LHPP: variants seen among roughly 807,000 people sequenced by gnomAD.
LHPP encodes the protein phospholysine phosphohistidine inorganic pyrophosphate phosphatase.
In LHPP, 24 loss-of-function variants were observed where a neutral mutation model predicts 30.3. That is an observed-to-expected ratio of 0.79 (90% CI 0.57 to 1.11). The LOEUF (loss-of-function observed/expected upper bound fraction) is 1.11. LHPP is among the 50% of genes most tolerant of loss of function. The pLI, the probability that LHPP is intolerant of heterozygous loss-of-function variation, is 0.00. For synonymous variants in LHPP, 150 were observed against 157.1 expected (o/e 0.95, Z 0.34); for missense variants, 356 against 367.2 (o/e 0.97, Z 0.25).
rs1437495847 is a variant in LHPP at position 124,541,612 on chromosome 10, G to C, written c.716+24341G>C. Among the ~76,000 whole-genome samples the C allele has an allele frequency of 2.0e-5, 3 of 152,244 alleles. No homozygotes were observed. Among genetic ancestry groups the C allele is most frequent in the African/African-American group, 7.2e-5 (3 of 41,544 alleles). On this transcript the variant is annotated intron_variant, in intron 6 of 6. Transcript: ENST00000368842. This position sits in a 1 kb window ranked among gnomAD's most constrained non-coding sequence, Gnocchi z 4.2. ...CCCCCGCGTGAGCCTGGGACCACCCGTGGGGACAGTGTGTGTCTAGGCAAA... is the reference window on the plus strand; with the variant it reads ...CCCCCGCGTGAGCCTGGGACCACCCCTGGGGACAGTGTGTGTCTAGGCAAA...
intron 6 of LHPP, among the ~76,000 whole-genome samples, chr10:124,598,585 C>T (rs548820478): frequency 6.6e-6 from 1 of 152,268 alleles, no homozygotes; most frequent in African/African-American, 2.4e-5. Context: ...CCCATGAGGC[C>T]AGGGCCAGCA....
At chr10:124,462,365 G>C (rs770251115) in intron 1 of LHPP, among the ~76,000 whole-genome samples, 3 of 152,206 alleles carry the variant, frequency 2.0e-5, no homozygotes, top group Non-Finnish European at 4.4e-5. Flanking sequence ...AGGCAGAGGA[G>C]GGAGGATCGC....
intron 6 of LHPP, among the ~76,000 whole-genome samples, chr10:124,612,452 C>T (rs1949214911): frequency 6.6e-6 from 1 of 152,126 alleles, no homozygotes; most frequent in Non-Finnish European, 1.5e-5. Context: ...ACGAACCCAC[C>T]TGACCCCTTC....
chr10:124,588,040 C>T (rs1351856867), intron 6 of LHPP, among the ~76,000 whole-genome samples: 1 of 152,234 alleles, frequency 6.6e-6, no homozygotes, highest in East Asian at 1.9e-4. Flanking sequence ...CGGACAGCCC[C>T]ACTGCCACTG....
intron 1 of LHPP, among the ~76,000 whole-genome samples, chr10:124,481,393 T>TG (rs1953129184): frequency 6.9e-6 from 1 of 145,384 alleles, no homozygotes. Context: ...TTTTTTTTTT[T>TG]TGCGACAGAG....
At position 124,585,463 on chromosome 10, in the gene LHPP, A is replaced by AAT. The variant is rs571798347; in HGVS notation, c.717-27800_717-27799insTA. Among the ~76,000 whole-genome samples, 1,214 of 151,988 alleles carry AAT rather than the reference A, an allele frequency of 8.0e-3. 15 individuals carry two copies. The highest frequency in any genetic ancestry group is 0.028 in the African/African-American group (1,181 of 41,446). On this transcript the variant is annotated intron_variant, in intron 6 of 6. Coordinates refer to ENST00000368842, the MANE Select transcript of LHPP (RefSeq NM_022126.4). ...AACCCCGACTCTACTAAAATACAAA[A>AAT]AATTAGCCAGGCATGGTGGCTGGCG...
chr10:124,518,436 C>T (rs1049995860), intron 6 of LHPP, among the ~76,000 whole-genome samples: 5 of 152,238 alleles, frequency 3.3e-5, no homozygotes, highest in African/African-American at 1.2e-4. Context: ...CTGCTGCTCC[C>T]AGGCGAGGGG....
intron 5 of LHPP, among the ~76,000 whole-genome samples, chr10:124,513,870 G>A (rs868438975): frequency 1.3e-5 from 2 of 151,684 alleles, no homozygotes; most frequent in Non-Finnish European, 1.5e-5. Context: ...AATGACTGAC[G>A]TTTCAGCCAC....
At chr10:124,548,112 T>C (rs887164044) in intron 6 of LHPP, among the ~76,000 whole-genome samples, 10 of 152,154 alleles carry the variant, frequency 6.6e-5, no homozygotes, top group African/African-American at 2.2e-4. Context: ...AGCCACAAGA[T>C]CACCCAGAAA....
At chr10:124,506,942 G>C (rs1260700666) in intron 5 of LHPP, among the ~76,000 whole-genome samples, 1 of 32,712 alleles carries the variant, frequency 3.1e-5, no homozygotes, top group Non-Finnish European at 6.4e-5. Flanking sequence ...TCAGGTGGGG[G>C]GGTAGGGAGG....
intron 5 of LHPP, among the ~76,000 whole-genome samples, chr10:124,513,435 C>CT (rs57786051): frequency 2.4e-5 from 3 of 127,222 alleles, no homozygotes; most frequent in African/African-American, 8.9e-5. Flanking sequence ...ATTATTATTA[C>CT]TTTTTTTTTC....
At chr10:124,535,084 G>A (rs762152625) in intron 6 of LHPP, among the ~76,000 whole-genome samples, 6 of 152,270 alleles carry the variant, frequency 3.9e-5, no homozygotes, top group African/African-American at 1.4e-4. Context: ...GTGCCTCAGC[G>A]TTGCCACTGT....
chr10:124,490,885 T>C (rs181659973), intron 3 of LHPP, among the ~76,000 whole-genome samples: 1 of 152,072 alleles, frequency 6.6e-6, no homozygotes, highest in Non-Finnish European at 1.5e-5. Flanking sequence ...ACAGCTAGAA[T>C]TCTAGAATCA....
intron 6 of LHPP, among the ~76,000 whole-genome samples, chr10:124,538,770 A>G (rs558653444): frequency 2.6e-5 from 4 of 152,326 alleles, no homozygotes; most frequent in African/African-American, 9.6e-5. Context: ...GTGAGACCCA[A>G]GGTGGTTTCT....
intron 6 of LHPP, among the ~76,000 whole-genome samples, chr10:124,584,336 C>T (rs1219660285): frequency 6.7e-6 from 1 of 150,070 alleles, no homozygotes; most frequent in African/African-American, 2.5e-5. Context: ...TGCATTCCAG[C>T]CTGGGCAACA....
intron 6 of LHPP, among the ~76,000 whole-genome samples, chr10:124,602,884 T>C (rs920533514): frequency 1.3e-5 from 2 of 152,208 alleles, no homozygotes; most frequent in Admixed American, 1.3e-4. Flanking sequence ...ATTTCTGGGT[T>C]GCAACCGCCC....
intron 1 of LHPP, among the ~76,000 whole-genome samples, chr10:124,481,394 T>TTA (rs1189108724): frequency 8.8e-6 from 1 of 114,020 alleles, no homozygotes; most frequent in Admixed American, 9.1e-5. Flanking sequence ...TTTTTTTTTT[T>TTA]GCGACAGAGT....
intron 6 of LHPP, among the ~76,000 whole-genome samples, chr10:124,518,924 G>A (rs906273949): frequency 6.6e-6 from 1 of 152,180 alleles, no homozygotes; most frequent in Non-Finnish European, 1.5e-5. Flanking sequence ...CCCGGAGAGA[G>A]AGAAACTCTG....
intron 1 of LHPP, among the ~76,000 whole-genome samples, chr10:124,472,601 C>G (rs980516388): frequency 9.9e-5 from 15 of 151,960 alleles, no homozygotes; most frequent in Admixed American, 9.2e-4. Flanking sequence ...CTCTGTCACC[C>G]AGGCTGGAGT....
Sources: gnomAD v4.1 joint callset for allele counts (sites outside exome capture counted in the v4.1 genomes callset) on GRCh38, gnomAD v4.1.1 for gene constraint, Gnocchi (gnomAD v3.1) non-coding constraint, MANE v1.5 for transcripts, NCBI Gene and HGNC (gene_info 2026-07-23, HGNC 2026-07-21) for gene names.